ANO2: variants seen among roughly 807,000 people sequenced by gnomAD.
The protein encoded by ANO2 is anoctamin 2.
In ANO2, 101 loss-of-function variants were observed where a neutral mutation model predicts 124.2. That is an observed-to-expected ratio of 0.81 (90% CI 0.69 to 0.96). The LOEUF is 0.96. Among genes scored for constraint, ANO2 ranks in the 40% least tolerant of loss-of-function variants. The pLI is 0.00. For synonymous variants in ANO2, 486 were observed against 482.5 expected (o/e 1.01, Z -0.09); for missense variants, 1,293 against 1,274.5 (o/e 1.01, Z -0.22).
At chr12:5,596,165 A>G (rs547328459) in intron 20 of ANO2, among the ~76,000 whole-genome samples, 155 of 152,340 alleles carry the variant, frequency 1.0e-3, no homozygotes, top group Middle Eastern at 6.8e-3. Context: ...GCTTGAGGCC[A>G]GGAGCTCAAG....
chr12:5,835,163 T>C (rs942454106), intron 4 of ANO2, among the ~76,000 whole-genome samples: 5 of 152,220 alleles, frequency 3.3e-5, no homozygotes, highest in Admixed American at 6.5e-5. Flanking sequence ...GGAAAAGATA[T>C]TCTAGGCAAA....
Position 5,635,071 on chromosome 12 carries a change from TTTTTA to T in ANO2, c.1816+76_1816+80del. 7.8e-7 allele frequency: 1 copy of T among 1,282,808 alleles called. No individual in the cohort carries two copies. The highest frequency in any genetic ancestry group is 1.0e-6 in the Non-Finnish European group (1 of 961,120). The allele number at this position is 1,282,808 out of a possible 1,614,324, so 79.5% of individuals were successfully genotyped here. Reference sequence around the variant, plus strand: ...AAAGCATCCTGTCCCTGTCCCATTTTTTTTATTTTATCACCAAAAGCCTTGCACGC... The same window carrying T: ...AAAGCATCCTGTCCCTGTCCCATTTTTTTTATCACCAAAAGCCTTGCACGC... On this transcript the variant is annotated intron_variant, in intron 16 of 24. Coordinates refer to ENST00000682330, the MANE Select transcript of ANO2 (RefSeq NM_001364791.2). The surrounding 1 kb of genome is among the most constrained non-coding windows in gnomAD (Gnocchi z 5.2).
intron 16 of ANO2, among the ~76,000 whole-genome samples, 160 bp from the exon 17 acceptor site, chr12:5,615,457 C>A (rs143341351): frequency 2.0e-5 from 3 of 152,212 alleles, no homozygotes; most frequent in Non-Finnish European, 4.4e-5. Flanking sequence ...ATCTGGGAGG[C>A]CCCAGGTGGT....
chr12:5,916,724 TA>T (rs767550531), intron 3 of ANO2, among the ~76,000 whole-genome samples: 10 of 97,684 alleles, frequency 1.0e-4, no homozygotes, highest in South Asian at 6.6e-4. Flanking sequence ...TTTTTTAATT[TA>T]AAAAAAAAAA....
rs71581013 is a variant in ANO2 at position 5,612,515 on chromosome 12, A to C, written c.2087+141T>G. 4.0e-3 allele frequency: 2,780 copies of C among 699,224 alleles called. 14 individuals carry two copies. Among genetic ancestry groups the C allele is most frequent in the Non-Finnish European group, 5.1e-3 (2,109 of 411,556 alleles). The allele number at this position is 699,224 out of a possible 1,614,324, so 43.3% of individuals were successfully genotyped here. A position where few individuals can be genotyped will look rare whatever the true frequency, so the allele number is the denominator to read the frequency against. On this transcript the variant is annotated intron_variant, in intron 19 of 24. Coordinates refer to ENST00000682330, the MANE Select transcript of ANO2 (RefSeq NM_001364791.2). ...GCAAGCAAAGTTTGCCCCATGGGGA[A>C]AGTTATTGGCAAATTGACAGAGAAT...
At chr12:5,777,675 G>GA (rs896364230) in intron 10 of ANO2, among the ~76,000 whole-genome samples, 1 of 151,870 alleles carries the variant, frequency 6.6e-6, no homozygotes, top group Non-Finnish European at 1.5e-5. Context: ...AAATGAAAAG[G>GA]AAAAAAACAA....
At chr12:5,668,375 T>C (rs1203416690) in intron 14 of ANO2, among the ~76,000 whole-genome samples, 1 of 151,798 alleles carries the variant, frequency 6.6e-6, no homozygotes, top group Non-Finnish European at 1.5e-5. Context: ...TCCATTCCTG[T>C]CCTCTCCCCA....
At chr12:5,839,941 TG>T (rs1954460727) in intron 4 of ANO2, among the ~76,000 whole-genome samples, 1 of 152,166 alleles carries the variant, frequency 6.6e-6, no homozygotes, top group Non-Finnish European at 1.5e-5. Context: ...CTCCATGGAC[TG>T]CCCCTGAGAA....
intron 3 of ANO2, chr12:5,881,779 A>G (rs1182332935): frequency 2.6e-5 from 4 of 152,232 alleles, no homozygotes; most frequent in Non-Finnish European, 4.4e-5. Flanking sequence ...ATAGCCATAC[A>G]GTTCAGCTGG....
At chr12:5,864,536 G>A (rs531575579) in intron 3 of ANO2, among the ~76,000 whole-genome samples, 1 of 152,324 alleles carries the variant, frequency 6.6e-6, no homozygotes, top group South Asian at 2.1e-4. Context: ...CAGATGCTGT[G>A]GATGCTAACT....
chr12:5,577,602 T>C (rs549933074), intron 22 of ANO2, among the ~76,000 whole-genome samples: 9 of 152,348 alleles, frequency 5.9e-5, no homozygotes, highest in African/African-American at 1.2e-4. Context: ...AGGTATTGTT[T>C]AACTCAGGAG....
chr12:5,614,739 G>A (rs1591740644), intron 17 of ANO2, among the ~76,000 whole-genome samples: 2 of 152,258 alleles, frequency 1.3e-5, no homozygotes, highest in South Asian at 2.1e-4. Flanking sequence ...CATAACTGCC[G>A]GTGGCCTGAG....
chr12:5,838,126 C>T (rs991121125), intron 4 of ANO2, among the ~76,000 whole-genome samples: 2 of 152,204 alleles, frequency 1.3e-5, no homozygotes, highest in African/African-American at 2.4e-5. Flanking sequence ...AACCTCCAGG[C>T]AGTTCCTGAG....
intron 20 of ANO2, among the ~76,000 whole-genome samples, chr12:5,588,417 G>A (rs1466008573): frequency 1.1e-4 from 17 of 152,190 alleles, no homozygotes; most frequent in Non-Finnish European, 8.8e-5. Context: ...CACGTCTCCC[G>A]TGGAATGGTC....
intron 3 of ANO2, among the ~76,000 whole-genome samples, chr12:5,912,053 C>T (rs1384313985): frequency 2.0e-5 from 3 of 152,182 alleles, no homozygotes; most frequent in Admixed American, 2.0e-4. Flanking sequence ...AGATCAAAGC[C>T]CAGAAACCTC....
chr12:5,857,923 C>T (rs1463858809), intron 3 of ANO2, among the ~76,000 whole-genome samples: 3 of 152,096 alleles, frequency 2.0e-5, no homozygotes, highest in African/African-American at 7.2e-5. Context: ...AGGCCAGACA[C>T]AGAAAGACAA....
intron 20 of ANO2, among the ~76,000 whole-genome samples, chr12:5,578,816 C>T (rs778600676): frequency 4.6e-5 from 7 of 152,224 alleles, no homozygotes; most frequent in Non-Finnish European, 7.3e-5. Flanking sequence ...ACTAATCCTA[C>T]TGATCTAACT....
In ANO2 at chr12:5,618,405, G is replaced by A. The variant is rs147098898; in HGVS notation, c.1817-3108C>T. 2.0e-3 allele frequency among the ~76,000 whole-genome samples: 308 copies of A among 152,268 alleles called. 2 individuals carry two copies. Among genetic ancestry groups the A allele is most frequent in the African/African-American group, 7.0e-3 (292 of 41,552 alleles). ...CTGTGTATGACAGAAGGCATCATAC[G>A]TAGGTGTGCACTGTCATTATCTCAC... is the stretch of plus-strand genomic sequence containing the variant. On this transcript the variant is annotated intron_variant, in intron 16 of 24. Transcript: ENST00000682330.
At chr12:5,708,106 C>A (rs1042705661) in intron 14 of ANO2, among the ~76,000 whole-genome samples, 1 of 152,192 alleles carries the variant, frequency 6.6e-6, no homozygotes, top group African/African-American at 2.4e-5. Flanking sequence ...TCACTACCTA[C>A]CAGTTGTTCA....
Sources: allele counts gnomAD v4.1 joint callset (sites outside exome capture counted in the v4.1 genomes callset), GRCh38; gene constraint gnomAD v4.1.1; non-coding constraint Gnocchi (gnomAD v3.1); transcripts MANE v1.5; gene names NCBI Gene and HGNC (gene_info 2026-07-23, HGNC 2026-07-21).